Variants in MARCHF2 observed in about 807,000 individuals in gnomAD.
The protein encoded by MARCHF2 is membrane associated ring-CH-type finger 2.
A neutral mutation model predicts 24.0 loss-of-function variants in MARCHF2; 22 were observed. The ratio of observed to expected loss-of-function variants is 0.92; its 90% CI spans 0.66 to 1.31. The LOEUF (loss-of-function observed/expected upper bound fraction) is 1.31, where lower values mean the gene tolerates loss of function less well. MARCHF2 is among the 50% of genes most tolerant of loss of function. MARCHF2 has a pLI of 0.00. For synonymous variants in MARCHF2, 154 were observed against 153.0 expected (o/e 1.01, Z -0.05); for missense variants, 301 against 335.3 (o/e 0.90, Z 0.80).
At chr19:8,436,215 A>G (rs1033413149) in intron 4 of MARCHF2, among the ~76,000 whole-genome samples, 2 of 151,510 alleles carry the variant, frequency 1.3e-5, no homozygotes, top group Non-Finnish European at 2.9e-5. Flanking sequence ...GCTCACTGCA[A>G]CTTCCGCCTC....
intron 1 of MARCHF2, among the ~76,000 whole-genome samples, chr19:8,415,768 A>C (rs1349852422): frequency 6.6e-6 from 1 of 150,864 alleles, no homozygotes; most frequent in African/African-American, 2.4e-5. Flanking sequence ...AGACAAAAGA[A>C]AGAAGAGAAA....
At chr19:8,425,915 G>A (rs530501351) in intron 2 of MARCHF2, among the ~76,000 whole-genome samples, 22 of 151,756 alleles carry the variant, frequency 1.4e-4, no homozygotes, top group African/African-American at 5.1e-4. Flanking sequence ...TCACCCAGCT[G>A]GTCTTTGAGG....
chr19:8,421,785 C>G lies in MARCHF2; in HGVS notation c.-52-4C>G. Reference sequence around the variant, plus strand: ...CCCTAACCTCCGCACTGGCCTGTTCCCAGGCTCCTGGAACCATGGGCCTCA... The same window carrying G: ...CCCTAACCTCCGCACTGGCCTGTTCGCAGGCTCCTGGAACCATGGGCCTCA... On this transcript the variant is annotated splice_polypyrimidine_tract_variant and splice_region_variant and intron_variant, in intron 1 of 4. Coordinates refer to ENST00000215555, the MANE Select transcript of MARCHF2 (RefSeq NM_001005415.2). The G allele has an allele frequency of 6.6e-7, 1 of 1,521,604 alleles. No homozygotes were observed. Among genetic ancestry groups the G allele is most frequent in the Non-Finnish European group, 8.9e-7 (1 of 1,129,296 alleles). 94.3% of individuals were successfully genotyped at this position (1,521,604 alleles called of 1,614,324 possible).
rs567208060 is a variant in MARCHF2 at position 8,438,796 on chromosome 19, G to A, written c.*250G>A. 1.7e-5 allele frequency: 7 copies of A among 407,364 alleles called. No individual in the cohort carries two copies. The highest frequency in any genetic ancestry group is 1.2e-4 in the African/African-American group (6 of 49,466). 25.2% of individuals were successfully genotyped at this position (407,364 alleles called of 1,614,324 possible). A position where few individuals can be genotyped will look rare whatever the true frequency, so the allele number is the denominator to read the frequency against. ...TGGTCCTGAGCTCTGGACGGAGCAG[G>A]CACCCTGATCTCATTCTGAGGTCCA... On this transcript the variant is annotated 3_prime_UTR_variant, in exon 5 of 5. Transcript: ENST00000215555.
In MARCHF2 at chr19:8,413,398, C is replaced by T. The variant is rs768357994; in HGVS notation, c.-75C>T. The T allele has an allele frequency of 1.3e-5, 2 of 151,768 alleles. No homozygotes were observed. Among genetic ancestry groups the T allele is most frequent in the African/African-American group, 2.4e-5 (1 of 41,396 alleles). The allele number at this position is 151,768 out of a possible 1,614,324, so 9.4% of individuals were successfully genotyped here. ...AGGCGAACCGAGGGGCCTGTGCGGC[C>T]GCCCGGCCCGGCCGCGGATCAGGTA... On this transcript the variant is annotated 5_prime_UTR_variant, in exon 1 of 5. Coordinates refer to ENST00000215555, the MANE Select transcript of MARCHF2 (RefSeq NM_001005415.2).
intron 4 of MARCHF2, among the ~76,000 whole-genome samples, chr19:8,432,420 C>T (rs1202782623): frequency 6.6e-6 from 1 of 152,036 alleles, no homozygotes; most frequent in East Asian, 1.9e-4. Context: ...ACTCTGGAGG[C>T]CAAGGTGGGA....
chr19:8,417,699 A>G (rs1967118587), intron 1 of MARCHF2, among the ~76,000 whole-genome samples: 1 of 147,098 alleles, frequency 6.8e-6, no homozygotes, highest in African/African-American at 2.5e-5. Flanking sequence ...CGGCCTCCCA[A>G]AGTGCTGGGA....
At chr19:8,436,291 C>T (rs556401091) in intron 4 of MARCHF2, among the ~76,000 whole-genome samples, 6 of 151,962 alleles carry the variant, frequency 3.9e-5, no homozygotes, top group African/African-American at 1.2e-4. Flanking sequence ...TGTGCCACCA[C>T]GCCCAGCTAA....
At chr19:8,425,597 T>C (rs1967376325) in intron 2 of MARCHF2, among the ~76,000 whole-genome samples, 1 of 150,922 alleles carries the variant, frequency 6.6e-6, no homozygotes, top group Non-Finnish European at 1.5e-5. Flanking sequence ...GAGTGTTGTC[T>C]GCTCTGCCCT....
intron 2 of MARCHF2, among the ~76,000 whole-genome samples, chr19:8,425,228 A>T (rs1158590902): frequency 1.3e-5 from 2 of 151,824 alleles, no homozygotes; most frequent in East Asian, 1.9e-4. Flanking sequence ...CAGAAAAAAA[A>T]AAAATTAGCT....
In MARCHF2 at chr19:8,438,578, G is replaced by T. The variant is rs370919367; in HGVS notation, c.*32G>T. The T allele has an allele frequency of 6.2e-6, 10 of 1,608,428 alleles. No individual in the cohort carries two copies. Among genetic ancestry groups the T allele is most frequent in the Non-Finnish European group, 8.5e-6 (10 of 1,176,682 alleles). The stretch of plus-strand genomic sequence containing the variant: ...GGCTCTCCGGACCCTGCAGCAGAGA[G>T]GCCAGAGGTAGCTGGTGATACCCTG... On this transcript the variant is annotated 3_prime_UTR_variant, in exon 5 of 5. Coordinates refer to ENST00000215555, the MANE Select transcript of MARCHF2 (RefSeq NM_001005415.2).
At chr19:8,416,059 C>G (rs1478555022) in intron 1 of MARCHF2, among the ~76,000 whole-genome samples, 1 of 151,958 alleles carries the variant, frequency 6.6e-6, no homozygotes, top group Non-Finnish European at 1.5e-5. Context: ...ATGACTACAA[C>G]ATGGCCAGGC....
chr19:8,437,686 C>CT (rs549545710), intron 4 of MARCHF2, among the ~76,000 whole-genome samples: 75 of 141,138 alleles, frequency 5.3e-4, no homozygotes, highest in African/African-American at 9.6e-4. Context: ...TTTTTTTAAA[C>CT]TTTTTTTTTT....
intron 4 of MARCHF2, among the ~76,000 whole-genome samples, chr19:8,435,690 CTACCACACCTGGCTAGT>C (rs60748247): frequency 0.82 from 124,156 of 151,340 alleles, 54,728 homozygotes; most frequent in East Asian, 0.98. Flanking sequence ...TAGGTGCCCA[CTACCACACCTGGCTAGT>C]TTTTGTATTT....
At chr19:8,437,472 G>A (rs999548377) in intron 4 of MARCHF2, among the ~76,000 whole-genome samples, 21 of 145,568 alleles carry the variant, frequency 1.4e-4, no homozygotes, top group Non-Finnish European at 2.5e-4. Context: ...CTGCCTCAGC[G>A]TCCCGAGTAG....
At chr19:8,437,344 C>T (rs369801212) in intron 4 of MARCHF2, among the ~76,000 whole-genome samples, 61 of 128,910 alleles carry the variant, frequency 4.7e-4, no homozygotes, top group Non-Finnish European at 8.6e-4. Flanking sequence ...TTTATTCATT[C>T]ACCTATTTTT....
chr19:8,427,430 C>A (rs1008543149), intron 3 of MARCHF2, among the ~76,000 whole-genome samples: 1 of 150,296 alleles, frequency 6.7e-6, no homozygotes, highest in East Asian at 2.0e-4. Context: ...CAGCCACCAA[C>A]AAGACACGTA....
At chr19:8,428,798 T>C (rs1967492738) in intron 3 of MARCHF2, among the ~76,000 whole-genome samples, 1 of 149,904 alleles carries the variant, frequency 6.7e-6, no homozygotes, top group Non-Finnish European at 1.5e-5. Context: ...ACACCGTCTC[T>C]ACTAAAAATA....
At chr19:8,424,836 A>C (rs952671604) in intron 2 of MARCHF2, among the ~76,000 whole-genome samples, 1 of 152,126 alleles carries the variant, frequency 6.6e-6, no homozygotes, top group African/African-American at 2.4e-5. Flanking sequence ...AATTTTAGGA[A>C]TAGATTATCG....
Sources: gnomAD v4.1 joint callset for allele counts (sites outside exome capture counted in the v4.1 genomes callset) on GRCh38, gnomAD v4.1.1 for gene constraint, MANE v1.5 for transcripts, NCBI Gene and HGNC (gene_info 2026-07-23, HGNC 2026-07-21) for gene names.